The following RPS6KA2 variants were observed in gnomAD, a reference collection of about 807,000 sequenced individuals.
RPS6KA2 encodes ribosomal protein S6 kinase alpha-2.
Under a neutral mutation model 91.8 loss-of-function variants are expected in RPS6KA2, and 42 were observed. The observed-to-expected ratio is 0.46, with a 90% CI of 0.36 to 0.59. The LOEUF (loss-of-function observed/expected upper bound fraction) is 0.59, where lower values mean the gene tolerates loss of function less well. RPS6KA2 is among the 20% of genes least tolerant of loss of function. RPS6KA2 has a pLI of 0.00. For missense variants in RPS6KA2, 798 were observed against 978.5 expected (o/e 0.82, Z 2.46); for synonymous variants, 414 against 393.6 (o/e 1.05, Z -0.61).
At chr6:166,429,962 C>CTTTT (rs1302011018) in intron 16 of RPS6KA2, among the ~76,000 whole-genome samples, 1 of 142,200 alleles carries the variant, frequency 7.0e-6, no homozygotes. Flanking sequence ...TTTTTCTTTT[C>CTTTT]TTTTTTTTTT....
intron 3 of RPS6KA2, among the ~76,000 whole-genome samples, chr6:166,524,217 C>A (rs2128489020): frequency 6.6e-6 from 1 of 152,292 alleles, no homozygotes; most frequent in East Asian, 1.9e-4. Context: ...TTATTTCCTT[C>A]CAGGAAGGGA....
intron 2 of RPS6KA2, among the ~76,000 whole-genome samples, chr6:166,845,310 G>C (rs770543026): frequency 6.6e-6 from 1 of 152,022 alleles, no homozygotes; most frequent in African/African-American, 2.4e-5. Context: ...TCATCAAGAC[G>C]GAAAGTCAAC....
intron 2 of RPS6KA2, among the ~76,000 whole-genome samples, chr6:166,818,640 G>T (rs1231600885): frequency 6.6e-6 from 1 of 152,130 alleles, no homozygotes; most frequent in Non-Finnish European, 1.5e-5. Flanking sequence ...CGTTGCCTGT[G>T]CTTGTTATTA....
At chr6:166,604,584 T>A (rs1785874405) in intron 1 of RPS6KA2, among the ~76,000 whole-genome samples, 1 of 152,186 alleles carries the variant, frequency 6.6e-6, no homozygotes, top group Non-Finnish European at 1.5e-5. Flanking sequence ...ATGCCGTGCC[T>A]CGGGCCTTAC....
chr6:166,606,844 GA>G (rs976792559), intron 1 of RPS6KA2, among the ~76,000 whole-genome samples: 1 of 151,962 alleles, frequency 6.6e-6, no homozygotes, highest in African/African-American at 2.4e-5. Flanking sequence ...AACAAGTGGG[GA>G]AAAAATGGAT....
At chr6:166,479,466 C>T (rs886964676) in intron 10 of RPS6KA2, among the ~76,000 whole-genome samples, 4 of 152,170 alleles carry the variant, frequency 2.6e-5, no homozygotes, top group African/African-American at 7.2e-5. Flanking sequence ...CAGCGTGACT[C>T]GCCAGCTGCC....
rs368566488 is a variant in RPS6KA2 at position 166,459,501 on chromosome 6, C to T, written c.1023G>A (p.Arg341=). ...IKPPFKPAVG[R]PEDTFHFDPE... Reference sequence around the variant, plus strand: ...GGTCAAAGTGGAAGGTGTCCTCAGGCCTGCCCACTGCTGGTTTGAACGGTG... The same window carrying T: ...GGTCAAAGTGGAAGGTGTCCTCAGGTCTGCCCACTGCTGGTTTGAACGGTG... Residue 341 remains arginine (R), a synonymous_variant, in exon 12 of 21, where the codon AGG becomes AGA. Transcript: ENST00000265678. The surrounding 1 kb of genome is among the most constrained non-coding windows in gnomAD (Gnocchi z 4.9). 9.3e-6 allele frequency: 15 copies of T among 1,614,102 alleles called. No individual in the cohort carries two copies. In the South Asian group the frequency reaches 1.5e-4, roughly 17 times the overall value.
chr6:166,845,050 G>A (rs9457230), intron 2 of RPS6KA2, among the ~76,000 whole-genome samples: 22,120 of 152,090 alleles, frequency 0.15, 1,718 homozygotes, highest in African/African-American at 0.17. Context: ...CCAAAAGCAA[G>A]CAGGAGTAAC....
At chr6:166,535,421 C>G (rs1396669262) in intron 2 of RPS6KA2, among the ~76,000 whole-genome samples, 5 of 152,206 alleles carry the variant, frequency 3.3e-5, no homozygotes, top group African/African-American at 1.2e-4. Flanking sequence ...AAGACATGTT[C>G]TTATCATGCT....
chr6:166,694,779 C>A (rs1789309701), intron 2 of RPS6KA2, among the ~76,000 whole-genome samples: 1 of 152,190 alleles, frequency 6.6e-6, no homozygotes, highest in South Asian at 2.1e-4. Flanking sequence ...TGACCTGAGC[C>A]CTTACTGCAT....
chr6:166,421,698 T>C (rs1778724613), intron 17 of RPS6KA2, among the ~76,000 whole-genome samples: 1 of 152,184 alleles, frequency 6.6e-6, no homozygotes. Flanking sequence ...TCTCTGGGCA[T>C]CTCGCATGCA....
intron 2 of RPS6KA2, among the ~76,000 whole-genome samples, chr6:166,738,634 T>A (rs932723113): frequency 6.6e-6 from 1 of 152,222 alleles, no homozygotes; most frequent in African/African-American, 2.4e-5. Context: ...CTGGACATGT[T>A]ACCAGTATTG....
intron 2 of RPS6KA2, among the ~76,000 whole-genome samples, chr6:166,657,971 C>G (rs976671407): frequency 1.3e-5 from 2 of 152,160 alleles, no homozygotes. Flanking sequence ...GCAACTTCCA[C>G]CTCCCCGGTT....
Position 166,856,226 on chromosome 6 carries a change from G to A in RPS6KA2, c.123+1974C>T, listed in dbSNP as rs1780899626. Reference sequence around the variant, plus strand: ...GCAATAAAGGTGATGGTGTTAGGAGGTGAGAACTGTGGGAGGTGATTAGGT... The same window carrying A: ...GCAATAAAGGTGATGGTGTTAGGAGATGAGAACTGTGGGAGGTGATTAGGT... On this transcript the variant is annotated intron_variant, in intron 2 of 21. Transcript: ENST00000503859. Among the ~76,000 whole-genome samples the A allele has an allele frequency of 2.0e-5, 3 of 152,182 alleles. No individual in the cohort carries two copies. In the South Asian group the frequency reaches 6.2e-4, roughly 32 times the overall value.
rs956582536 is a variant in RPS6KA2, at chr6:166,849,895, G to A, written c.123+8305C>T. Among the ~76,000 whole-genome samples the A allele has an allele frequency of 6.6e-6, 1 of 152,188 alleles. No individual in the cohort carries two copies. Among genetic ancestry groups the A allele is most frequent in the African/African-American group, 2.4e-5 (1 of 41,440 alleles). On this transcript the variant is annotated intron_variant, in intron 2 of 21. Transcript: ENST00000503859. This position sits in a 1 kb window ranked among gnomAD's most constrained non-coding sequence, Gnocchi z 4.9. ...TGAGACACCGGGTTCAGGGACCAGG[G>A]GCACTCATGCCTGGCTCCGCTGTGC...
At chr6:166,501,324 C>T (rs371904344) in intron 6 of RPS6KA2, among the ~76,000 whole-genome samples, 1 of 152,192 alleles carries the variant, frequency 6.6e-6, no homozygotes, top group Non-Finnish European at 1.5e-5. Context: ...AATGTTTCTG[C>T]ACTCGGGATG....
At chr6:166,688,103 G>C (rs1258473552) in intron 2 of RPS6KA2, among the ~76,000 whole-genome samples, 1 of 152,268 alleles carries the variant, frequency 6.6e-6, no homozygotes, top group East Asian at 1.9e-4. Context: ...CAGACCTCAG[G>C]GTGGGAGGGG....
At chr6:166,836,499 A>C (rs1231579080) in intron 2 of RPS6KA2, among the ~76,000 whole-genome samples, 2 of 150,516 alleles carry the variant, frequency 1.3e-5, no homozygotes, top group African/African-American at 4.9e-5. Context: ...ATTTTTTTCC[A>C]CTTCTGTGCC....
At chr6:166,829,339 C>A (rs1343025825) in intron 2 of RPS6KA2, among the ~76,000 whole-genome samples, 2 of 152,056 alleles carry the variant, frequency 1.3e-5, no homozygotes, top group Non-Finnish European at 2.9e-5. Flanking sequence ...CGCCTGTAAT[C>A]CCAGCACTTT....
Sources: gnomAD v4.1 joint callset for allele counts (sites outside exome capture counted in the v4.1 genomes callset) on GRCh38, gnomAD v4.1.1 for gene constraint, Gnocchi (gnomAD v3.1) non-coding constraint, MANE v1.5 for transcripts, NCBI Gene and HGNC (gene_info 2026-07-23, HGNC 2026-07-21) for gene names.